The following PKHD1 variants were observed in gnomAD, a reference collection of about 807,000 sequenced individuals.
The protein encoded by PKHD1 is PKHD1 ciliary IPT domain containing fibrocystin/polyductin, also known as fibrocystin.
In PKHD1, 291 loss-of-function variants were observed where a neutral mutation model predicts 412.0. The ratio of observed to expected loss-of-function variants is 0.71; its 90% CI spans 0.64 to 0.78. The LOEUF is 0.78. Among genes scored for constraint, PKHD1 ranks in the 30% least tolerant of loss-of-function variants. PKHD1 has a pLI of 0.00. For missense variants in PKHD1, 4,825 were observed against 4,950.7 expected (o/e 0.97, Z 0.76); for synonymous variants, 1,777 against 1,821.5 (o/e 0.98, Z 0.62).
chr6:52,048,801 T>G (rs1581946172), intron 22 of PKHD1, among the ~76,000 whole-genome samples, 182 bp from the exon 23 acceptor site: 1 of 152,312 alleles, frequency 6.6e-6, no homozygotes, highest in East Asian at 1.9e-4. Context: ...TCAGAGTAAC[T>G]TAATTCGTGT....
intron 10 of PKHD1, among the ~76,000 whole-genome samples, chr6:52,069,833 T>C (rs1352889529): frequency 3.9e-5 from 6 of 152,212 alleles, no homozygotes; most frequent in Admixed American, 6.5e-5. Context: ...ACATTAATTT[T>C]ATTTCTTCCA....
At chr6:51,868,156 C>A in intron 47 of PKHD1, 47 bp from the exon 48 acceptor site, 3 of 1,492,214 alleles carry the variant, frequency 2.0e-6, no homozygotes, top group South Asian at 1.1e-5. Context: ...GCACAAATAG[C>A]AACTAAATTC....
chr6:51,662,723 A>G (rs565315716), intron 60 of PKHD1, among the ~76,000 whole-genome samples: 6 of 152,104 alleles, frequency 3.9e-5, no homozygotes, highest in Admixed American at 1.3e-4. Context: ...CAAATCACCA[A>G]TTTTAAGAAT....
intron 35 of PKHD1, among the ~76,000 whole-genome samples, chr6:52,001,006 G>C (rs1209411145): frequency 1.3e-5 from 2 of 152,100 alleles, no homozygotes; most frequent in Non-Finnish European, 2.9e-5. Flanking sequence ...TGTGTTTGCA[G>C]AGTGTACAGT....
chr6:52,043,130 A>C lies in PKHD1; in HGVS notation c.2826T>G (p.Gly942=), dbSNP rs1805193596. The change falls in exon 27 of 67, where the codon GGT becomes GGG. Residue 942 remains glycine, a synonymous_variant. Coordinates refer to ENST00000371117, the MANE Select transcript of PKHD1 (RefSeq NM_138694.4). ...CVHSVWYSID[G]DINLMIYITG... is the part of the protein sequence containing the mutation. ...TAATGTAAATCATTAGGTTGATGTC[A>C]CCATCTTAAAGGAGAAAAGAAATTA... is the stretch of plus-strand genomic sequence containing the variant. 1.9e-6 allele frequency: 3 copies of C among 1,610,844 alleles called. No homozygotes were observed. Among genetic ancestry groups the C allele is most frequent in the Non-Finnish European group, 2.5e-6 (3 of 1,177,314 alleles).
At chr6:51,716,045 AT>A (rs1234154061) in intron 60 of PKHD1, among the ~76,000 whole-genome samples, 2 of 152,364 alleles carry the variant, frequency 1.3e-5, no homozygotes, top group Admixed American at 6.5e-5. Context: ...TTCAAAATCA[AT>A]TTTAAAAAAA....
intron 36 of PKHD1, among the ~76,000 whole-genome samples, chr6:51,957,762 C>A (rs118015930): frequency 6.6e-6 from 1 of 151,964 alleles, no homozygotes; most frequent in Non-Finnish European, 1.5e-5. Context: ...TCTATGTGAT[C>A]GCAATATGTC....
At chr6:51,674,539 T>A (rs1163671560) in intron 60 of PKHD1, among the ~76,000 whole-genome samples, 1 of 152,124 alleles carries the variant, frequency 6.6e-6, no homozygotes, top group Non-Finnish European at 1.5e-5. Flanking sequence ...CAATTTTAAC[T>A]CAGTATAATT....
At chr6:51,676,665 G>T (rs1775904844) in intron 60 of PKHD1, among the ~76,000 whole-genome samples, 2 of 152,170 alleles carry the variant, frequency 1.3e-5, no homozygotes, top group African/African-American at 4.8e-5. Flanking sequence ...AAGACAGGTT[G>T]AATTTATCCC....
At chr6:52,073,442 C>G (rs1375698284) in intron 7 of PKHD1, 21 bp downstream of exon 7, 9 of 1,518,674 alleles carry the variant, frequency 5.9e-6, no homozygotes, top group Non-Finnish European at 7.3e-6. Flanking sequence ...TAGTTAAACA[C>G]AAAAACAAAC....
chr6:51,800,772 A>G (rs1762791621), intron 52 of PKHD1, among the ~76,000 whole-genome samples: 2 of 152,232 alleles, frequency 1.3e-5, no homozygotes, highest in African/African-American at 2.4e-5. Flanking sequence ...ATCAGGCCCC[A>G]TAACTTAGGT....
intron 36 of PKHD1, among the ~76,000 whole-genome samples, chr6:51,954,342 G>A (rs1790799779): frequency 6.6e-6 from 1 of 152,096 alleles, no homozygotes; most frequent in East Asian, 1.9e-4. Context: ...AAAAACCTGA[G>A]ACTTACAGAA....
chr6:51,923,451 C>T (rs898215838), intron 37 of PKHD1, among the ~76,000 whole-genome samples: 2 of 151,028 alleles, frequency 1.3e-5, no homozygotes, highest in Admixed American at 6.6e-5. Context: ...AAGGAATGGA[C>T]CAGATTTGGT....
rs376121326 is a variant in PKHD1 at position 52,026,107 on chromosome 6, G to T, written c.3703C>A (p.Arg1235=). 6.2e-7 allele frequency: 1 copy of T among 1,614,016 alleles called. No individual in the cohort carries two copies. Among genetic ancestry groups the T allele is most frequent in the African/African-American group, 1.3e-5 (1 of 74,934 alleles). ...GTTAAGTTCACAATGTCACAGGACC[G>T]ATTGCCCACAAGTACCCAAACCAAA... is the stretch of plus-strand genomic sequence containing the variant. The part of the protein sequence containing the change: ...PALVWVLVGN[R]SCDIVNLTEA... Residue 1235 remains arginine, a synonymous_variant, in exon 32 of 67, where the codon CGG becomes AGG. Coordinates refer to ENST00000371117, the MANE Select transcript of PKHD1 (RefSeq NM_138694.4).
intron 36 of PKHD1, among the ~76,000 whole-genome samples, chr6:51,942,905 C>T (rs569891754): frequency 8.6e-5 from 13 of 151,612 alleles, no homozygotes; most frequent in Non-Finnish European, 1.2e-4. Flanking sequence ...ACATCAAGCT[C>T]GGGGATTTGC....
At chr6:51,819,285 CA>C (rs989363826) in intron 52 of PKHD1, among the ~76,000 whole-genome samples, 2 of 151,586 alleles carry the variant, frequency 1.3e-5, no homozygotes, top group Admixed American at 6.6e-5. Flanking sequence ...AGACCAGAAA[CA>C]AAAAAAAGTA....
intron 25 of PKHD1, 123 bp downstream of exon 25, chr6:52,044,841 CCT>C (rs1174300023): frequency 6.0e-6 from 6 of 1,007,172 alleles, no homozygotes; most frequent in Middle Eastern, 2.1e-4. Context: ...CATAAGTACC[CCT>C]GTTTTACACA....
At chr6:51,967,889 C>T (rs1793067111) in intron 35 of PKHD1, among the ~76,000 whole-genome samples, 1 of 152,166 alleles carries the variant, frequency 6.6e-6, no homozygotes, top group Non-Finnish European at 1.5e-5. Flanking sequence ...TGTTATTTCC[C>T]CATGCAATGG....
chr6:51,703,377 T>A (rs1239822664), intron 60 of PKHD1, among the ~76,000 whole-genome samples: 1 of 152,034 alleles, frequency 6.6e-6, no homozygotes, highest in African/African-American at 2.4e-5. Context: ...TTTATTTCTA[T>A]ATTTTTTTTA....
Sources: allele counts gnomAD v4.1 joint callset (sites outside exome capture counted in the v4.1 genomes callset), GRCh38; gene constraint gnomAD v4.1.1; transcripts MANE v1.5; gene names NCBI Gene and HGNC (gene_info 2026-07-23, HGNC 2026-07-21).